RILP: variants seen among roughly 807,000 people sequenced by gnomAD.
RILP encodes the protein Rab interacting lysosomal protein.
RILP carries 53 observed loss-of-function variants against 40.0 expected under a neutral mutation model. The observed-to-expected ratio is 1.32, with a 90% CI of 1.06 to 1.66. The LOEUF is 1.66. RILP is among the 40% of genes most tolerant of loss of function. RILP has a pLI of 0.00. For synonymous variants in RILP, 272 were observed against 250.6 expected (o/e 1.09, Z -0.80); for missense variants, 626 against 551.7 (o/e 1.13, Z -1.35).
At position 1,649,407 on chromosome 17, in the gene RILP, CTT is replaced by C; in HGVS notation, c.322+3_322+4del. 6.6e-7 allele frequency: 1 copy of C among 1,507,028 alleles called. No individual in the cohort carries two copies. The highest frequency in any genetic ancestry group is 2.7e-5 in the East Asian group (1 of 37,156). The allele number at this position is 1,507,028 out of a possible 1,614,324, so 93.4% of individuals were successfully genotyped here. A position where few individuals can be genotyped will look rare whatever the true frequency, so the allele number is the denominator to read the frequency against. ...CCGCCCTGCCCTGGCCGGGGCTGCG[CTT>C]ACCCTGTGGCCCCGCGCGCAGCTCC... On this transcript the variant is annotated splice_donor_region_variant and intron_variant, in intron 2 of 7. Coordinates refer to ENST00000301336, the MANE Select transcript of RILP (RefSeq NM_031430.3). This position sits in a 1 kb window ranked among gnomAD's most constrained non-coding sequence, Gnocchi z 4.3.
Position 1,648,986 on chromosome 17 carries a change from G to A in RILP, c.488C>T (p.Ala163Val). The part of the protein sequence containing the change: ...LVNAELRHKL[A>V]AMQTQLRAAQ... ...GGCGCGCAGCTGGGTCTGCATGGCC[G>A]CCAGCTTGTGCCGCAGCTCAGCGTT... The change falls in exon 4 of 8, where the codon GCG (alanine) becomes GTG (valine). Residue 163 changes from alanine (A) to valine (V), a missense_variant. Ala to Val is a moderately conservative substitution (Grantham distance 64, BLOSUM62 0). Transcript: ENST00000301336. The surrounding 1 kb of genome is among the most constrained non-coding windows in gnomAD (Gnocchi z 4.9). 1.4e-6 allele frequency: 2 copies of A among 1,458,504 alleles called. No homozygotes were observed. Among genetic ancestry groups the A allele is most frequent in the South Asian group, 2.6e-5 (2 of 78,064 alleles). The allele number at this position is 1,458,504 out of a possible 1,614,324, so 90.3% of individuals were successfully genotyped here. A position where few individuals can be genotyped will look rare whatever the true frequency, so the allele number is the denominator to read the frequency against.
chr17:1,646,760 G>A lies in RILP; in HGVS notation c.1029-141C>T. The A allele has an allele frequency of 9.3e-7, 1 of 1,071,010 alleles. No individual in the cohort carries two copies. Among genetic ancestry groups the A allele is most frequent in the Non-Finnish European group, 1.3e-6 (1 of 741,244 alleles). The allele number at this position is 1,071,010 out of a possible 1,614,324, so 66.3% of individuals were successfully genotyped here. On this transcript the variant is annotated intron_variant, in intron 7 of 7. Coordinates refer to ENST00000301336, the MANE Select transcript of RILP (RefSeq NM_031430.3). The surrounding 1 kb of genome is among the most constrained non-coding windows in gnomAD (Gnocchi z 4.3). ...GAGTGTGAAGGTGATGGGGGCCAGG[G>A]CCAGAGAAGCAGGAGGGGACGGTGT...
rs769248734 is a variant in RILP, at chr17:1,649,840, C to T, written c.-36G>A. The T allele has an allele frequency of 1.2e-4, 171 of 1,461,170 alleles. No homozygotes were observed. The highest frequency in any genetic ancestry group is 1.5e-4 in the Non-Finnish European group (160 of 1,093,824). 90.5% of individuals were successfully genotyped at this position (1,461,170 alleles called of 1,614,324 possible). On this transcript the variant is annotated 5_prime_UTR_variant, in exon 1 of 8. Transcript: ENST00000301336. This position sits in a 1 kb window ranked among gnomAD's most constrained non-coding sequence, Gnocchi z 4.3. ...GGCTTAGGGCTGCGACCCCCCCACC[C>T]CACCCTCCACTGGGACGGGGAAAAG...
Position 1,649,741 on chromosome 17 carries a change from C to T in RILP, c.64G>A (p.Ala22Thr). The T allele has an allele frequency of 6.3e-7, 1 of 1,588,934 alleles. No homozygotes were observed. The highest frequency in any genetic ancestry group is 8.5e-7 in the Non-Finnish European group (1 of 1,175,092). The change falls in exon 1 of 8, where the codon GCA (alanine) becomes ACA (threonine). Residue 22 changes from alanine to threonine, a missense_variant. Ala to Thr is a moderately conservative substitution (Grantham distance 58). Coordinates refer to ENST00000301336, the MANE Select transcript of RILP (RefSeq NM_031430.3). The surrounding 1 kb of genome is among the most constrained non-coding windows in gnomAD (Gnocchi z 4.3). Reference sequence around the variant, plus strand: ...TGGTACACAAGCTCCGCGGCCGATGCCGACCCCGCGGCCTCCCGAGACCCC... The same window carrying T: ...TGGTACACAAGCTCCGCGGCCGATGTCGACCCCGCGGCCTCCCGAGACCCC... ...GWGSREAAGS[A>T]SAAELVYHLA...
Position 1,648,578 on chromosome 17 carries a change from G to C in RILP, c.676-83C>G. 2 of 1,548,986 alleles carry C rather than the reference G, an allele frequency of 1.3e-6. No individual in the cohort carries two copies. Among genetic ancestry groups the C allele is most frequent in the Non-Finnish European group, 1.7e-6 (2 of 1,151,862 alleles). On this transcript the variant is annotated intron_variant, in intron 4 of 7. Transcript: ENST00000301336. The surrounding 1 kb of genome is among the most constrained non-coding windows in gnomAD (Gnocchi z 4.9). ...GGCCATCATGGGAATGCTAGAGGAA[G>C]TGACGGGCCGGGAGACTTGGGGGAC... is the stretch of plus-strand genomic sequence containing the variant.
Position 1,649,246 on chromosome 17 carries a change from C to T in RILP, c.383G>A (p.Arg128Gln), listed in dbSNP as rs767645887. The T allele has an allele frequency of 2.0e-6, 3 of 1,504,012 alleles. No homozygotes were observed. Among genetic ancestry groups the T allele is most frequent in the Non-Finnish European group, 2.6e-6 (3 of 1,134,470 alleles). The allele number at this position is 1,504,012 out of a possible 1,614,324, so 93.2% of individuals were successfully genotyped here. A position where few individuals can be genotyped will look rare whatever the true frequency, so the allele number is the denominator to read the frequency against. Residue 128 changes from arginine to glutamine, a missense_variant, in exon 3 of 8, where the codon CGG (arginine) becomes CAG (glutamine). Arg to Gln is a conservative substitution (Grantham distance 43). Transcript: ENST00000301336. The surrounding 1 kb of genome is among the most constrained non-coding windows in gnomAD (Gnocchi z 4.3). ...CTGCCGCAGGTCGCGGTTGTGCGCC[C>T]GGAGTTCGTCCCGCTGTCGGTCCGT... ...EVTDRQRDELRAHNRDLRQRG... is the reference protein window; with the variant it reads ...EVTDRQRDELQAHNRDLRQRG...
rs547316827 is a variant in RILP, at chr17:1,648,888, C to T, written c.586G>A (p.Gly196Arg). The T allele has an allele frequency of 3.6e-4, 546 of 1,529,368 alleles. 3 individuals carry two copies. The East Asian group carries it at 0.012, about 34-fold the overall frequency. 94.7% of individuals were successfully genotyped at this position (1,529,368 alleles called of 1,614,324 possible). The change falls in exon 4 of 8, where the codon GGG (glycine) becomes AGG (arginine). Residue 196 changes from glycine to arginine, a missense_variant. By Grantham distance (125) the Gly-to-Arg change is moderately radical. Coordinates refer to ENST00000301336, the MANE Select transcript of RILP (RefSeq NM_031430.3). This position sits in a 1 kb window ranked among gnomAD's most constrained non-coding sequence, Gnocchi z 4.9. ...TGGTGCCCGGGCCGCCCGGCCTGCC[C>T]CCGCGCTCGCTCTTTAGCCTGCGGA... is the stretch of plus-strand genomic sequence containing the variant. ...ATPQAKERARGQAGRPGHQHG... is the reference protein window; with the variant it reads ...ATPQAKERARRQAGRPGHQHG...
Position 1,648,478 on chromosome 17 carries a change from C to A in RILP, c.693G>T (p.Gln231His). Reference sequence around the variant, plus strand: ...GCCCTGCCTCCGAGGGGCGCCCGAGCTGCTGCGCGGCCTCCGCCTTTGGAA... The same window carrying A: ...GCCCTGCCTCCGAGGGGCGCCCGAGATGCTGCGCGGCCTCCGCCTTTGGAA... ...NPEDPAEAAQ[Q>H]LGRPSEAGQC... Residue 231 changes from glutamine to histidine, a missense_variant, in exon 5 of 8, where the codon CAG becomes CAT. Gln to His is a conservative substitution (Grantham distance 24). Transcript: ENST00000301336. This position sits in a 1 kb window ranked among gnomAD's most constrained non-coding sequence, Gnocchi z 4.9. 1 of 1,613,480 alleles carries A rather than the reference C, an allele frequency of 6.2e-7. No homozygotes were observed. Among genetic ancestry groups the A allele is most frequent in the Non-Finnish European group, 8.5e-7 (1 of 1,179,978 alleles).
chr17:1,649,833 C>T lies in RILP; in HGVS notation c.-29G>A. On this transcript the variant is annotated 5_prime_UTR_variant, in exon 1 of 8. Transcript: ENST00000301336. The surrounding 1 kb of genome is among the most constrained non-coding windows in gnomAD (Gnocchi z 4.3). The stretch of plus-strand genomic sequence containing the variant: ...TCCCAGAGGCTTAGGGCTGCGACCC[C>T]CCCACCCCACCCTCCACTGGGACGG... The T allele has an allele frequency of 3.4e-6, 5 of 1,475,526 alleles. No homozygotes were observed. Among genetic ancestry groups the T allele is most frequent in the Non-Finnish European group, 4.5e-6 (5 of 1,105,340 alleles). The allele number at this position is 1,475,526 out of a possible 1,614,324, so 91.4% of individuals were successfully genotyped here.
At position 1,646,349 on chromosome 17, in the gene RILP, C is replaced by A. The variant is rs752963632; in HGVS notation, c.*93G>T. The A allele has an allele frequency of 7.1e-6, 9 of 1,275,124 alleles. No homozygotes were observed. The highest frequency in any genetic ancestry group is 9.7e-6 in the Non-Finnish European group (9 of 929,068). 79.0% of individuals were successfully genotyped at this position (1,275,124 alleles called of 1,614,324 possible). On this transcript the variant is annotated 3_prime_UTR_variant, in exon 8 of 8. Transcript: ENST00000301336. This position sits in a 1 kb window ranked among gnomAD's most constrained non-coding sequence, Gnocchi z 4.3. ...AGACCCCGTCCTGCCCTGATGCAGG[C>A]CAGGATTGGGGCAGACCCCTGGCGA...
Position 1,647,845 on chromosome 17 carries a change from C to A in RILP, c.934G>T (p.Ala312Ser). ...CAGGCAGGGACCTACCTGCTCTCTG[C>A]TTCCTCTGGTGTCCCTAACATCTTG... is the stretch of plus-strand genomic sequence containing the variant. ...KAKMLGTPEE[A>S]ESSEDEAGPW... The change falls in exon 6 of 8, where the codon GCA becomes TCA. Residue 312 changes from alanine to serine, a missense_variant. Coordinates refer to ENST00000301336, the MANE Select transcript of RILP (RefSeq NM_031430.3). The A allele has an allele frequency of 1.2e-6, 2 of 1,614,160 alleles. No individual in the cohort carries two copies. Among genetic ancestry groups the A allele is most frequent in the Non-Finnish European group, 1.7e-6 (2 of 1,180,010 alleles).
At position 1,646,878 on chromosome 17, in the gene RILP, T is replaced by G; in HGVS notation, c.1028+28A>C. The G allele has an allele frequency of 1.3e-6, 2 of 1,526,506 alleles. No homozygotes were observed. Among genetic ancestry groups the G allele is most frequent in the Non-Finnish European group, 1.8e-6 (2 of 1,122,720 alleles). 94.6% of individuals were successfully genotyped at this position (1,526,506 alleles called of 1,614,324 possible). A position where few individuals can be genotyped will look rare whatever the true frequency, so the allele number is the denominator to read the frequency against. On this transcript the variant is annotated intron_variant, in intron 7 of 7. Transcript: ENST00000301336. This position sits in a 1 kb window ranked among gnomAD's most constrained non-coding sequence, Gnocchi z 4.3. ...CAGGGCCCTTCCTCCCTCCCCACACTCTTGCCTTTCCCCTTTCCCCAACAT... is the reference window on the plus strand; with the variant it reads ...CAGGGCCCTTCCTCCCTCCCCACACGCTTGCCTTTCCCCTTTCCCCAACAT...
At position 1,647,859 on chromosome 17, in the gene RILP, C is replaced by CCTAA; in HGVS notation, c.916_919dup (p.Gly307ValfsTer11). 1 of 1,614,148 alleles carries CCTAA rather than the reference C, an allele frequency of 6.2e-7. No individual in the cohort carries two copies. Among genetic ancestry groups the CCTAA allele is most frequent in the Non-Finnish European group, 8.5e-7 (1 of 1,180,008 alleles). On this transcript the variant is annotated frameshift_variant, in exon 6 of 8. Coordinates refer to ENST00000301336, the MANE Select transcript of RILP (RefSeq NM_031430.3). LOFTEE classifies it high-confidence loss of function. The stretch of plus-strand genomic sequence containing the variant: ...CCTGCTCTCTGCTTCCTCTGGTGTC[C>CCTAA]CTAACATCTTGGCCTTGATCTTCTT...
Position 1,649,257 on chromosome 17 carries a change from C to T in RILP, c.372G>A (p.Arg124=). The change falls in exon 3 of 8, where the codon CGG becomes CGA. Residue 124 remains arginine (R), a synonymous_variant. Transcript: ENST00000301336. This position sits in a 1 kb window ranked among gnomAD's most constrained non-coding sequence, Gnocchi z 4.3. ...CGCGGTTGTGCGCCCGGAGTTCGTC[C>T]CGCTGTCGGTCCGTGACCTCCTTGA... is the stretch of plus-strand genomic sequence containing the variant. ...RQLKEVTDRQ[R]DELRAHNRDL... 1 of 1,507,890 alleles carries T rather than the reference C, an allele frequency of 6.6e-7. No homozygotes were observed. The highest frequency in any genetic ancestry group is 8.8e-7 in the Non-Finnish European group (1 of 1,136,150). 93.4% of individuals were successfully genotyped at this position (1,507,890 alleles called of 1,614,324 possible). A position where few individuals can be genotyped will look rare whatever the true frequency, so the allele number is the denominator to read the frequency against.
At position 1,649,229 on chromosome 17, in the gene RILP, G is replaced by C. The variant is rs1284458534; in HGVS notation, c.400C>G (p.Leu134Val). ...RDELRAHNRD[L>V]RQRGQETEAL... ...TCGGTCTCCTGGCCGCGCTGCCGCAGGTCGCGGTTGTGCGCCCGGAGTTCG... is the reference window on the plus strand; with the variant it reads ...TCGGTCTCCTGGCCGCGCTGCCGCACGTCGCGGTTGTGCGCCCGGAGTTCG... The change falls in exon 3 of 8, where the codon CTG becomes GTG. Residue 134 changes from leucine to valine, a missense_variant. By Grantham distance (32) the Leu-to-Val change is conservative (BLOSUM62 1). Transcript: ENST00000301336. The surrounding 1 kb of genome is among the most constrained non-coding windows in gnomAD (Gnocchi z 4.3). 2.1e-6 allele frequency: 3 copies of C among 1,401,874 alleles called. No individual in the cohort carries two copies. The Admixed American group carries it at 6.8e-5, about 32-fold the overall frequency. The allele number at this position is 1,401,874 out of a possible 1,614,324, so 86.8% of individuals were successfully genotyped here.
Position 1,649,519 on chromosome 17 carries a change from G to A in RILP, c.229-14C>T. On this transcript the variant is annotated splice_polypyrimidine_tract_variant and intron_variant, in intron 1 of 7. Coordinates refer to ENST00000301336, the MANE Select transcript of RILP (RefSeq NM_031430.3). The surrounding 1 kb of genome is among the most constrained non-coding windows in gnomAD (Gnocchi z 4.3). ...CGACACCTGCAGCTGGGGAGACCCG[G>A]GTCTCAGGCTTCGGCCCTGCCGGCC... 2.7e-6 allele frequency: 4 copies of A among 1,504,546 alleles called. No homozygotes were observed. The highest frequency in any genetic ancestry group is 1.8e-6 in the Non-Finnish European group (2 of 1,134,170). 93.2% of individuals were successfully genotyped at this position (1,504,546 alleles called of 1,614,324 possible). A position where few individuals can be genotyped will look rare whatever the true frequency, so the allele number is the denominator to read the frequency against.
rs1463831859 is a variant in RILP, at chr17:1,648,903, T to G, written c.571A>C (p.Lys191Gln). Residue 191 changes from lysine to glutamine, a missense_variant, in exon 4 of 8, where the codon AAA (lysine) becomes CAA (glutamine). Lys to Gln is a moderately conservative substitution (Grantham distance 53, BLOSUM62 1). Transcript: ENST00000301336. The surrounding 1 kb of genome is among the most constrained non-coding windows in gnomAD (Gnocchi z 4.9). ...CCGGCCTGCCCCCGCGCTCGCTCTT[T>G]AGCCTGCGGAGTCGCGGCTTCGCCA... ...QPGEAATPQA[K>Q]ERARGQAGRP... is the part of the protein sequence containing the mutation. 2.0e-6 allele frequency: 3 copies of G among 1,525,038 alleles called. No homozygotes were observed. Among genetic ancestry groups the G allele is most frequent in the Admixed American group, 2.0e-5 (1 of 50,492 alleles). The allele number at this position is 1,525,038 out of a possible 1,614,324, so 94.5% of individuals were successfully genotyped here.
In RILP at chr17:1,648,542, C is replaced by T; in HGVS notation, c.676-47G>A. On this transcript the variant is annotated intron_variant, in intron 4 of 7. Coordinates refer to ENST00000301336, the MANE Select transcript of RILP (RefSeq NM_031430.3). This position sits in a 1 kb window ranked among gnomAD's most constrained non-coding sequence, Gnocchi z 4.9. ...CAGAGGGTCGCCTCGGCTGGCGTTCCCCCGCCCCAGGGCCATCATGGGAAT... is the reference window on the plus strand; with the variant it reads ...CAGAGGGTCGCCTCGGCTGGCGTTCTCCCGCCCCAGGGCCATCATGGGAAT... 6.3e-7 allele frequency: 1 copy of T among 1,598,670 alleles called. No homozygotes were observed. Among genetic ancestry groups the T allele is most frequent in the Non-Finnish European group, 8.5e-7 (1 of 1,175,152 alleles).
chr17:1,649,098 C>CCCGCCCAGCGCCTGCCTCGCT lies in RILP; in HGVS notation c.430-75_430-55dup, dbSNP rs1910794499. The CCCGCCCAGCGCCTGCCTCGCT allele has an allele frequency of 8.3e-7, 1 of 1,204,744 alleles. No homozygotes were observed. Among genetic ancestry groups the CCCGCCCAGCGCCTGCCTCGCT allele is most frequent in the Non-Finnish European group, 1.0e-6 (1 of 960,334 alleles). 74.6% of individuals were successfully genotyped at this position (1,204,744 alleles called of 1,614,324 possible). The stretch of plus-strand genomic sequence containing the variant: ...CGGGGCACCGAGGGCCCCCCGGAGC[C>CCCGCCCAGCGCCTGCCTCGCT]CCGCCCAGCGCCTGCCTCGCTCCGC... On this transcript the variant is annotated intron_variant, in intron 3 of 7. Coordinates refer to ENST00000301336, the MANE Select transcript of RILP (RefSeq NM_031430.3). The surrounding 1 kb of genome is among the most constrained non-coding windows in gnomAD (Gnocchi z 4.3).
Sources: allele counts gnomAD v4.1 joint callset, GRCh38; gene constraint gnomAD v4.1.1; non-coding constraint Gnocchi (gnomAD v3.1); transcripts MANE v1.5; gene names NCBI Gene and HGNC (gene_info 2026-07-23, HGNC 2026-07-21).